TBC1D12: variants seen among roughly 807,000 people sequenced by gnomAD.
The protein encoded by TBC1D12 is TBC1 domain family, member 12.
TBC1D12 carries 56 observed loss-of-function variants against 86.7 expected under a neutral mutation model. The observed-to-expected ratio is 0.65, with a 90% CI of 0.52 to 0.81. The LOEUF is 0.81. Among genes scored for constraint, TBC1D12 ranks in the 30% least tolerant of loss-of-function variants. TBC1D12 has a pLI of 0.00. For missense variants in TBC1D12, 1,023 were observed against 1,038.8 expected, an observed-to-expected ratio of 0.98 and a Z score of 0.21; for synonymous variants, 421 against 411.7, an observed-to-expected ratio of 1.02 and a Z score of -0.27.
At chr10:94,458,921 G>T (rs1294029315) in intron 2 of TBC1D12, among the ~76,000 whole-genome samples, 1 of 152,154 alleles carries the variant, frequency 6.6e-6, no homozygotes, top group Admixed American at 6.5e-5. Flanking sequence ...CAAAGAATGA[G>T]CAGCAGCAAG....
intron 2 of TBC1D12, among the ~76,000 whole-genome samples, chr10:94,456,026 C>T (rs529483012): frequency 1.5e-4 from 23 of 151,820 alleles, no homozygotes; most frequent in Admixed American, 1.4e-3. Flanking sequence ...AGTGATGTCT[C>T]TACTTTCATT....
At chr10:94,456,565 T>G (rs1422049287) in intron 2 of TBC1D12, among the ~76,000 whole-genome samples, 1 of 152,240 alleles carries the variant, frequency 6.6e-6, no homozygotes, top group Admixed American at 6.5e-5. Flanking sequence ...TTAAACTTGT[T>G]AAGGTGTAGT....
At chr10:94,412,215 A>G (rs1433758537) in intron 1 of TBC1D12, among the ~76,000 whole-genome samples, 1 of 152,138 alleles carries the variant, frequency 6.6e-6, no homozygotes, top group Non-Finnish European at 1.5e-5. Flanking sequence ...GTTAAATAAT[A>G]TTTTACATTC....
chr10:94,447,075 A>AC (rs1207991348), intron 2 of TBC1D12, among the ~76,000 whole-genome samples: 3 of 151,674 alleles, frequency 2.0e-5, no homozygotes, highest in East Asian at 3.9e-4. Context: ...AAAAAAAAAA[A>AC]ACCTTTTTTA....
chr10:94,426,554 A>G (rs1210209651), intron 1 of TBC1D12, among the ~76,000 whole-genome samples: 2 of 152,020 alleles, frequency 1.3e-5, no homozygotes, highest in East Asian at 3.9e-4. Context: ...TTTTCCTTTT[A>G]CATATTGTCA....
At chr10:94,486,548 C>T (rs2056165529) in intron 3 of TBC1D12, among the ~76,000 whole-genome samples, 1 of 151,896 alleles carries the variant, frequency 6.6e-6, no homozygotes, top group African/African-American at 2.4e-5. Flanking sequence ...TTCCTAATTC[C>T]TTCATTGACC....
intron 2 of TBC1D12, among the ~76,000 whole-genome samples, chr10:94,459,361 A>G (rs1332628973): frequency 6.6e-6 from 1 of 152,240 alleles, no homozygotes. Flanking sequence ...TGATTGGTGC[A>G]TTTACAAACC....
chr10:94,480,064 C>T (rs1383598440), intron 3 of TBC1D12, among the ~76,000 whole-genome samples: 3 of 152,322 alleles, frequency 2.0e-5, no homozygotes, highest in African/African-American at 7.2e-5. Flanking sequence ...CTACATACCT[C>T]TACTTTGACT....
intron 2 of TBC1D12, among the ~76,000 whole-genome samples, chr10:94,450,355 T>C (rs1051499642): frequency 6.6e-5 from 10 of 151,694 alleles, no homozygotes; most frequent in African/African-American, 2.4e-4. Context: ...GACATGCAAA[T>C]TGTGTTCCTA....
chr10:94,466,422 A>G (rs1287152636), intron 2 of TBC1D12, among the ~76,000 whole-genome samples: 2 of 152,042 alleles, frequency 1.3e-5, no homozygotes, highest in African/African-American at 4.8e-5. Flanking sequence ...CAACATATAT[A>G]TATGTATATA....
intron 6 of TBC1D12, among the ~76,000 whole-genome samples, chr10:94,503,607 TTTTA>T (rs1009462514): frequency 3.9e-5 from 6 of 152,034 alleles, no homozygotes; most frequent in African/African-American, 1.4e-4. Flanking sequence ...AAACATATTA[TTTTA>T]TTTATTTATT....
intron 2 of TBC1D12, among the ~76,000 whole-genome samples, chr10:94,444,560 A>G (rs2055426153): frequency 1.3e-5 from 2 of 152,114 alleles, no homozygotes; most frequent in Non-Finnish European, 2.9e-5. Flanking sequence ...TTTTTATGGT[A>G]GTTTAAATAT....
intron 1 of TBC1D12, among the ~76,000 whole-genome samples, chr10:94,404,403 T>C (rs975192719): frequency 6.6e-6 from 1 of 152,148 alleles, no homozygotes; most frequent in African/African-American, 2.4e-5. Context: ...TCCAGCACTT[T>C]GGGAGGCTGA....
chr10:94,484,559 A>C (rs2056132504), intron 3 of TBC1D12, among the ~76,000 whole-genome samples: 1 of 152,248 alleles, frequency 6.6e-6, no homozygotes, highest in African/African-American at 2.4e-5. Context: ...CTTTTTGCTC[A>C]AAATAGCTTT....
At chr10:94,429,760 T>G (rs894096938) in intron 1 of TBC1D12, among the ~76,000 whole-genome samples, 35 of 152,116 alleles carry the variant, frequency 2.3e-4, no homozygotes, top group African/African-American at 8.2e-4. Flanking sequence ...TTGAGACAGG[T>G]TCTTGCTCTG....
intron 6 of TBC1D12, among the ~76,000 whole-genome samples, chr10:94,506,141 A>C (rs1310741531): frequency 1.3e-5 from 2 of 151,602 alleles, no homozygotes; most frequent in Non-Finnish European, 2.9e-5. Context: ...GGCTCAAGTG[A>C]TTCTCCTGCC....
intron 11 of TBC1D12, among the ~76,000 whole-genome samples, chr10:94,525,121 C>T (rs2134229561): frequency 6.6e-6 from 1 of 152,288 alleles, no homozygotes; most frequent in Admixed American, 6.5e-5. Flanking sequence ...TTAACTACAA[C>T]ATGACCAACA....
intron 1 of TBC1D12, among the ~76,000 whole-genome samples, chr10:94,426,599 C>T (rs1328837006): frequency 3.9e-5 from 6 of 152,060 alleles, no homozygotes; most frequent in Non-Finnish European, 8.8e-5. Context: ...TTTTTTGAGA[C>T]ACAGTCTCAC....
intron 1 of TBC1D12, among the ~76,000 whole-genome samples, chr10:94,429,796 C>T (rs1337673676): frequency 1.3e-5 from 2 of 151,902 alleles, no homozygotes; most frequent in East Asian, 1.9e-4. Flanking sequence ...TGCAGTGGTA[C>T]GATCTTGTGT....
Sources: allele counts gnomAD v4.1 joint callset (sites outside exome capture counted in the v4.1 genomes callset), GRCh38; gene constraint gnomAD v4.1.1; transcripts MANE v1.5; gene names NCBI Gene and HGNC (gene_info 2026-07-23, HGNC 2026-07-21).